Variants in SLC38A2 observed in about 807,000 individuals in gnomAD.
The protein encoded by SLC38A2 is sodium-coupled neutral amino acid symporter 2.
In SLC38A2, 11 loss-of-function variants were observed where a neutral mutation model predicts 61.5. That is an observed-to-expected ratio of 0.18 (90% CI 0.11 to 0.30). SLC38A2 has a LOEUF of 0.30. SLC38A2 is among the 10% of genes least tolerant of loss of function. The pLI, the probability that SLC38A2 is intolerant of heterozygous loss-of-function variation, is 1.00. For synonymous variants in SLC38A2, 217 were observed against 212.5 expected, an observed-to-expected ratio of 1.02 and a Z score of -0.18; for missense variants, 522 against 600.4, an observed-to-expected ratio of 0.87 and a Z score of 1.36.
chr12:46,362,427 G>T, intron 14 of SLC38A2, 46 bp from the exon 15 acceptor site: 1 of 1,596,662 alleles, frequency 6.3e-7, no homozygotes, highest in Non-Finnish European at 8.5e-7. Flanking sequence ...TGAACCACTC[G>T]TCATTCATTC....
Position 46,361,226 on chromosome 12 carries a change from G to T in SLC38A2, c.1423-17C>A. 1 of 1,601,598 alleles carries T rather than the reference G, an allele frequency of 6.2e-7. No homozygotes were observed. Among genetic ancestry groups the T allele is most frequent in the Non-Finnish European group, 8.5e-7 (1 of 1,170,520 alleles). ...GAACAAAGCCTGCAAAGAGCATAGAGAAAATTGATCAGCAAGTAATAAAAC... is the reference window on the plus strand; with the variant it reads ...GAACAAAGCCTGCAAAGAGCATAGATAAAATTGATCAGCAAGTAATAAAAC... On this transcript the variant is annotated splice_polypyrimidine_tract_variant and intron_variant, in intron 15 of 15. Coordinates refer to ENST00000256689, the MANE Select transcript of SLC38A2 (RefSeq NM_018976.5).
chr12:46,360,418 G>GA lies in SLC38A2; in HGVS notation c.*692dup, dbSNP rs1943068568. The stretch of plus-strand genomic sequence containing the variant: ...TTTAAGTAATGGTGACGTTTAAATG[G>GA]AAAAAACTATGCTCCTAATTCATGG... On this transcript the variant is annotated 3_prime_UTR_variant, in exon 16 of 16. Transcript: ENST00000256689. 6.6e-6 allele frequency: 1 copy of GA among 152,062 alleles called. No homozygotes were observed. Among genetic ancestry groups the GA allele is most frequent in the Non-Finnish European group, 1.5e-5 (1 of 67,978 alleles). 9.4% of individuals were successfully genotyped at this position (152,062 alleles called of 1,614,324 possible).
In SLC38A2 at chr12:46,365,149, A is replaced by G; in HGVS notation, c.604T>C (p.Ser202Pro). ...GACAAAGGAAGAATGACCACCAATG[A>G]CACCAACAGAACCAAATAGTTCCCG... The part of the protein sequence containing the change: ...LNGNYLVLLV[S>P]LVVILPLSLF... The change falls in exon 8 of 16, where the codon TCA (serine) becomes CCA (proline). Residue 202 changes from serine (S) to proline (P), a missense_variant. By Grantham distance (74) the Ser-to-Pro change is moderately conservative. Coordinates refer to ENST00000256689, the MANE Select transcript of SLC38A2 (RefSeq NM_018976.5). 6.2e-7 allele frequency: 1 copy of G among 1,613,620 alleles called. No individual in the cohort carries two copies. The highest frequency in any genetic ancestry group is 8.5e-7 in the Non-Finnish European group (1 of 1,179,678).
chr12:46,367,875 G>A (rs1164710230), intron 4 of SLC38A2, among the ~76,000 whole-genome samples: 1 of 152,172 alleles, frequency 6.6e-6, no homozygotes, highest in African/African-American at 2.4e-5. Context: ...GCTCATGCCT[G>A]TAATCCCAGC....
In SLC38A2 at chr12:46,361,052, A is replaced by T. The variant is rs1943075444; in HGVS notation, c.*59T>A. 3 of 1,262,414 alleles carry T rather than the reference A, an allele frequency of 2.4e-6. No individual in the cohort carries two copies. Among genetic ancestry groups the T allele is most frequent in the African/African-American group, 1.5e-5 (1 of 67,394 alleles). The allele number at this position is 1,262,414 out of a possible 1,614,324, so 78.2% of individuals were successfully genotyped here. A position where few individuals can be genotyped will look rare whatever the true frequency, so the allele number is the denominator to read the frequency against. On this transcript the variant is annotated 3_prime_UTR_variant, in exon 16 of 16. Coordinates refer to ENST00000256689, the MANE Select transcript of SLC38A2 (RefSeq NM_018976.5). ...AAAACATTAGGTGAAATTTCATAGTAGTTGAGTTTACTCAACACTGGCATC... is the reference window on the plus strand; with the variant it reads ...AAAACATTAGGTGAAATTTCATAGTTGTTGAGTTTACTCAACACTGGCATC...
chr12:46,370,493 A>C lies in SLC38A2; in HGVS notation c.314+19T>G. 6.4e-7 allele frequency: 1 copy of C among 1,565,602 alleles called. No homozygotes were observed. Among genetic ancestry groups the C allele is most frequent in the Non-Finnish European group, 8.8e-7 (1 of 1,136,020 alleles). On this transcript the variant is annotated intron_variant, in intron 4 of 15. Coordinates refer to ENST00000256689, the MANE Select transcript of SLC38A2 (RefSeq NM_018976.5). ...AGTAACTGCCCTGCATGGCAGACTC[A>C]CTACTTACACATACTTACATAAAAA...
chr12:46,367,554 T>C (rs1943151829), intron 4 of SLC38A2: 13 of 586,766 alleles, frequency 2.2e-5, no homozygotes, highest in Non-Finnish European at 4.0e-5. Flanking sequence ...AGGTGATAGT[T>C]CTACAGCATT....
intron 4 of SLC38A2, among the ~76,000 whole-genome samples, chr12:46,369,843 G>A (rs538266434): frequency 6.6e-6 from 1 of 152,240 alleles, no homozygotes; most frequent in Admixed American, 6.5e-5. Flanking sequence ...AAGCACAGAA[G>A]TAATTAAGTC....
intron 1 of SLC38A2, 166 bp downstream of exon 1, chr12:46,372,343 G>A (rs1259228713): frequency 9.4e-6 from 2 of 212,734 alleles, no homozygotes; most frequent in Non-Finnish European, 1.9e-5. Context: ...CGCGACACCC[G>A]CGCGGCGGGC....
intron 6 of SLC38A2, 41 bp from the exon 7 acceptor site, chr12:46,366,986 C>T (rs373127502): frequency 5.7e-5 from 92 of 1,606,770 alleles, no homozygotes; most frequent in South Asian, 1.2e-4. Flanking sequence ...GTGCAAAACG[C>T]GGCACGTGAC....
chr12:46,364,782 T>A, intron 8 of SLC38A2, 80 bp from the exon 9 acceptor site: 2 of 1,386,710 alleles, frequency 1.4e-6, no homozygotes, highest in Non-Finnish European at 2.0e-6. Flanking sequence ...ACTGAATAAC[T>A]CAATTCTGCT....
intron 3 of SLC38A2, 70 bp downstream of exon 3, chr12:46,370,706 A>C: frequency 6.5e-7 from 1 of 1,541,452 alleles, no homozygotes; most frequent in Non-Finnish European, 8.9e-7. Context: ...GTTAGATTTG[A>C]ATTCTAAAAG....
intron 7 of SLC38A2, 76 bp downstream of exon 7, chr12:46,366,788 T>A (rs540852475): frequency 7.6e-7 from 1 of 1,323,286 alleles, no homozygotes; most frequent in East Asian, 2.3e-5. Flanking sequence ...TCATTTTGTA[T>A]ACAACTTTGA....
intron 4 of SLC38A2, among the ~76,000 whole-genome samples, chr12:46,367,938 G>C (rs1287524044): frequency 6.6e-6 from 1 of 152,020 alleles, no homozygotes; most frequent in Non-Finnish European, 1.5e-5. Flanking sequence ...TTCGAGATCA[G>C]CTTGGACAAC....
rs866039580 is a variant in SLC38A2 at position 46,364,835 on chromosome 12, T to C, written c.647-133A>G. 3.8e-6 allele frequency: 3 copies of C among 787,734 alleles called. No individual in the cohort carries two copies. The Middle Eastern group carries it at 8.2e-4, about 214-fold the overall frequency. The allele number at this position is 787,734 out of a possible 1,614,324, so 48.8% of individuals were successfully genotyped here. On this transcript the variant is annotated intron_variant, in intron 8 of 15. Coordinates refer to ENST00000256689, the MANE Select transcript of SLC38A2 (RefSeq NM_018976.5). Reference sequence around the variant, plus strand: ...TAAAGTATGTGTATAGCACTAAATTTCTAATTCTTATGATACTAAATTATA... The same window carrying C: ...TAAAGTATGTGTATAGCACTAAATTCCTAATTCTTATGATACTAAATTATA...
At chr12:46,369,269 A>G (rs1408140960) in intron 4 of SLC38A2, among the ~76,000 whole-genome samples, 1 of 152,208 alleles carries the variant, frequency 6.6e-6, no homozygotes, top group Non-Finnish European at 1.5e-5. Context: ...AACTCCTGAG[A>G]TTCTAGGATT....
rs1943050243 is a variant in SLC38A2, at chr12:46,358,814, T to TA, written c.*2296dup. 1 of 152,636 alleles carries TA rather than the reference T, an allele frequency of 6.6e-6. No homozygotes were observed. The allele number at this position is 152,636 out of a possible 1,614,324, so 9.5% of individuals were successfully genotyped here. On this transcript the variant is annotated 3_prime_UTR_variant, in exon 16 of 16. Coordinates refer to ENST00000256689, the MANE Select transcript of SLC38A2 (RefSeq NM_018976.5). ...TGTTCTATAAATAACATTACAGTTG[T>TA]AACTGAAACATCCACGGAAGACAGT...
At position 46,367,063 on chromosome 12, in the gene SLC38A2, G is replaced by T. The variant is rs768345971; in HGVS notation, c.481+13C>A. 2 of 1,612,934 alleles carry T rather than the reference G, an allele frequency of 1.2e-6. No homozygotes were observed. Among genetic ancestry groups the T allele is most frequent in the Non-Finnish European group, 1.7e-6 (2 of 1,179,270 alleles). On this transcript the variant is annotated intron_variant, in intron 6 of 15. Transcript: ENST00000256689. ...ATAAAGTCTACCCAAATAATCTTTT[G>T]AAAAATTCTTACCTCCAATGTTCTG...
chr12:46,366,772 A>AAAT, intron 7 of SLC38A2, 92 bp downstream of exon 7: 2 of 823,878 alleles, frequency 2.4e-6, no homozygotes, highest in Admixed American at 3.9e-5. Context: ...ATGGATAATT[A>AAAT]ACTAATCATT....
Sources: gnomAD v4.1 joint callset for allele counts (sites outside exome capture counted in the v4.1 genomes callset) on GRCh38, gnomAD v4.1.1 for gene constraint, MANE v1.5 for transcripts, NCBI Gene and HGNC (gene_info 2026-07-23, HGNC 2026-07-21) for gene names.